The following GRIA1 variants were observed in gnomAD, a reference collection of about 807,000 sequenced individuals.
The protein encoded by GRIA1 is glutamate receptor 1.
A neutral mutation model predicts 99.2 loss-of-function variants in GRIA1; 31 were observed. The ratio of observed to expected loss-of-function variants is 0.31; its 90% confidence interval spans 0.23 to 0.42. The LOEUF is 0.42. Ranked by LOEUF, GRIA1 falls within the 10% of genes least tolerant of loss-of-function variation. The probability of loss-of-function intolerance (pLI) is 1.00; values close to 1 mark genes in which losing one functional copy is unlikely to be tolerated. For synonymous variants in GRIA1, 438 were observed against 432.4 expected (o/e 1.01, Z -0.16); for missense variants, 782 against 1,157.5 (o/e 0.68, Z 4.71).
chr5:153,691,005 A>C (rs1757705952), intron 8 of GRIA1, among the ~76,000 whole-genome samples: 1 of 152,180 alleles, frequency 6.6e-6, no homozygotes, highest in South Asian at 2.1e-4. Context: ...TTTCTTCCAG[A>C]TTTGGAGCCT....
chr5:153,529,465 G>T (rs1757902119), intron 2 of GRIA1, among the ~76,000 whole-genome samples: 1 of 152,104 alleles, frequency 6.6e-6, no homozygotes, highest in African/African-American at 2.4e-5. Context: ...TCAAATACTT[G>T]GTCAAAAGGT....
chr5:153,517,233 A>G (rs1012234452), intron 2 of GRIA1, among the ~76,000 whole-genome samples: 3 of 152,142 alleles, frequency 2.0e-5, no homozygotes, highest in African/African-American at 2.4e-5. Flanking sequence ...TGAATATTCA[A>G]TTGAACTTGT....
intron 2 of GRIA1, among the ~76,000 whole-genome samples, chr5:153,579,464 G>A (rs1762858907): frequency 1.3e-5 from 2 of 152,106 alleles, no homozygotes; most frequent in Admixed American, 1.3e-4. Context: ...GGTTAGAACT[G>A]GGCACTTCTT....
In GRIA1 at chr5:153,698,127, C is replaced by A; in HGVS notation, c.1218C>A (p.Asn406Lys). 6.2e-7 allele frequency: 1 copy of A among 1,602,252 alleles called. No individual in the cohort carries two copies. Among genetic ancestry groups the A allele is most frequent in the Non-Finnish European group, 8.6e-7 (1 of 1,169,278 alleles). Residue 406 changes from asparagine (N) to lysine (K), a missense_variant, in exon 9 of 16, where the codon AAC becomes AAA. Transcript: ENST00000285900. ...GGGGCGATAATTCAAGTGTTCAGAA[C>A]AGAACATACATCGTCACAACAATCC... ...QAGGDNSSVQNRTYIVTTILE... is the reference protein window; with the variant it reads ...QAGGDNSSVQKRTYIVTTILE...
intron 2 of GRIA1, among the ~76,000 whole-genome samples, chr5:153,603,227 C>G (rs1765148548): frequency 6.6e-6 from 1 of 152,148 alleles, no homozygotes; most frequent in African/African-American, 2.4e-5. Context: ...CCAATTTCAT[C>G]CATGTCCCTA....
chr5:153,694,346 A>G lies in GRIA1; in HGVS notation c.1135-3698A>G, dbSNP rs546494856. On this transcript the variant is annotated intron_variant, in intron 8 of 15. Coordinates refer to ENST00000285900, the MANE Select transcript of GRIA1 (RefSeq NM_000827.4). ...AAACCACATACCCTGAACATTCTAT[A>G]CATAAAGAAGGGTTATATTGTCAAG... Among the ~76,000 whole-genome samples, 3 of 152,270 alleles carry G rather than the reference A, an allele frequency of 2.0e-5. No individual in the cohort carries two copies. The East Asian group carries it at 5.8e-4, about 29-fold the overall frequency.
chr5:153,607,835 T>C (rs563163049), intron 2 of GRIA1, among the ~76,000 whole-genome samples: 1 of 152,250 alleles, frequency 6.6e-6, no homozygotes, highest in South Asian at 2.1e-4. Context: ...GCATTATTTA[T>C]ATTTACCCAT....
chr5:153,572,958 T>C (rs1239490014), intron 2 of GRIA1, among the ~76,000 whole-genome samples: 1 of 152,232 alleles, frequency 6.6e-6, no homozygotes, highest in African/African-American at 2.4e-5. Flanking sequence ...GAATGTCTTC[T>C]TAATGAGCCT....
chr5:153,639,505 C>T (rs1581383071), intron 2 of GRIA1, among the ~76,000 whole-genome samples: 1 of 152,336 alleles, frequency 6.6e-6, no homozygotes, highest in African/African-American at 2.4e-5. Flanking sequence ...CTGGCTGGCT[C>T]CTTCTTAGGG....
chr5:153,757,612 T>G (rs1762917948), intron 11 of GRIA1, among the ~76,000 whole-genome samples: 1 of 152,138 alleles, frequency 6.6e-6, no homozygotes, highest in African/African-American at 2.4e-5. Context: ...AGCAAAGACT[T>G]TGCAGACCAG....
At chr5:153,732,784 A>G (rs542105021) in intron 11 of GRIA1, among the ~76,000 whole-genome samples, 1 of 152,188 alleles carries the variant, frequency 6.6e-6, no homozygotes, top group Admixed American at 6.5e-5. Flanking sequence ...CCATATTCAA[A>G]AAGTTATTGC....
intron 1 of GRIA1, 127 bp from the exon 2 acceptor site, chr5:153,493,801 C>A: frequency 1.1e-6 from 1 of 913,502 alleles, no homozygotes; most frequent in Non-Finnish European, 1.7e-6. Flanking sequence ...ACTCTCATCT[C>A]TACCACTCAA....
At chr5:153,581,754 C>CT (rs10710677) in intron 2 of GRIA1, among the ~76,000 whole-genome samples, 3 of 139,518 alleles carry the variant, frequency 2.2e-5, no homozygotes, top group African/African-American at 7.9e-5. Flanking sequence ...TTTCTTTTCT[C>CT]TTTTTTTTTT....
chr5:153,668,760 GGA>G (rs1279122082), intron 5 of GRIA1, among the ~76,000 whole-genome samples: 1 of 152,228 alleles, frequency 6.6e-6, no homozygotes, highest in Non-Finnish European at 1.5e-5. Flanking sequence ...TTAGTGTCAA[GGA>G]GAGGAACCTA....
chr5:153,678,781 A>G (rs1756767729), intron 7 of GRIA1, among the ~76,000 whole-genome samples: 1 of 152,214 alleles, frequency 6.6e-6, no homozygotes, highest in South Asian at 2.1e-4. Context: ...GAGGCAGTTC[A>G]GGGTGGCAGG....
intron 2 of GRIA1, among the ~76,000 whole-genome samples, chr5:153,584,122 A>G (rs2149378652): frequency 6.6e-6 from 1 of 152,114 alleles, no homozygotes; most frequent in South Asian, 2.1e-4. Flanking sequence ...AAGTTGGACT[A>G]CTCCAGCAGT....
intron 7 of GRIA1, 89 bp from the exon 8 acceptor site, chr5:153,686,136 T>G: frequency 1.1e-6 from 1 of 934,096 alleles, no homozygotes; most frequent in South Asian, 1.4e-5. Context: ...GGAACACTCT[T>G]GGGTTCTGAA....
intron 2 of GRIA1, among the ~76,000 whole-genome samples, chr5:153,533,742 G>A (rs1379846946): frequency 2.0e-5 from 3 of 152,188 alleles, no homozygotes; most frequent in African/African-American, 4.8e-5. Flanking sequence ...GGGGGAGAAG[G>A]CAAGAGATAT....
chr5:153,671,769 A>G (rs557100961), intron 5 of GRIA1, among the ~76,000 whole-genome samples: 1 of 152,320 alleles, frequency 6.6e-6, no homozygotes, highest in African/African-American at 2.4e-5. Context: ...TGTGCCAAGC[A>G]TTGCTCTAGG....
Sources: allele counts gnomAD v4.1 joint callset (sites outside exome capture counted in the v4.1 genomes callset), GRCh38; gene constraint gnomAD v4.1.1; transcripts MANE v1.5; gene names NCBI Gene and HGNC (gene_info 2026-07-23, HGNC 2026-07-21).